ENO4: variants seen among roughly 807,000 people sequenced by gnomAD.
ENO4 encodes 2-phospho-D-glycerate hydro-lyase.
In ENO4, 53 loss-of-function variants were observed where a neutral mutation model predicts 63.2. That is an observed-to-expected ratio of 0.84 (90% CI 0.67 to 1.05). ENO4 has a LOEUF of 1.05. ENO4 is among the 50% of genes least tolerant of loss of function. The probability of loss-of-function intolerance (pLI) is 0.00; values close to 1 mark genes in which losing one functional copy is unlikely to be tolerated. For synonymous variants in ENO4, 266 were observed against 283.8 expected, an observed-to-expected ratio of 0.94 and a Z score of 0.63; for missense variants, 719 against 772.0, an observed-to-expected ratio of 0.93 and a Z score of 0.81.
downstream of ENO4, chr10:116,886,709 C>A: frequency 2.7e-6 from 3 of 1,130,596 alleles, no homozygotes; most frequent in Non-Finnish European, 3.7e-6. Flanking sequence ...GAGATGCCAG[C>A]CATTTAAAAG....
chr10:116,866,880 G>A (rs1846563483), intron 7 of ENO4, among the ~76,000 whole-genome samples: 1 of 151,694 alleles, frequency 6.6e-6, no homozygotes, highest in African/African-American at 2.4e-5. Flanking sequence ...CCTATTGATA[G>A]CCTAGTAATT....
intron 11 of ENO4, among the ~76,000 whole-genome samples, chr10:116,878,801 T>A (rs1012403101): frequency 2.7e-4 from 39 of 141,976 alleles, no homozygotes; most frequent in African/African-American, 1.0e-3. Context: ...TGGAGTGCAG[T>A]GGCGCGATCT....
chr10:116,900,445 A>C, intron 10 of ENO4: 1 of 1,200,536 alleles, frequency 8.3e-7, no homozygotes. Context: ...CAATTATTTC[A>C]TTTCCTTTCT....
chr10:116,910,088 G>A (rs1019863348), intron 10 of ENO4, among the ~76,000 whole-genome samples: 9 of 152,124 alleles, frequency 5.9e-5, no homozygotes, highest in Non-Finnish European at 1.3e-4. Context: ...GTCGAGCTAG[G>A]AGCTTTCTTT....
In ENO4 at chr10:116,911,706, C is replaced by T; in HGVS notation, c.*134C>T. 5 of 1,577,826 alleles carry T rather than the reference C, an allele frequency of 3.2e-6. No individual in the cohort carries two copies. In the South Asian group the frequency reaches 3.4e-5, roughly 11 times the overall value. On this transcript the variant is annotated 3_prime_UTR_variant, in exon 11 of 11. Coordinates refer to the ENO4 transcript ENST00000369207. The stretch of plus-strand genomic sequence containing the variant: ...TTGTAAATGGGAATAAAACACACCA[C>T]AAACAATTCACAAAAAACAGATTTT...
chr10:116,869,087 CA>C (rs1285772925), intron 8 of ENO4, among the ~76,000 whole-genome samples: 1 of 152,174 alleles, frequency 6.6e-6, no homozygotes, highest in African/African-American at 2.4e-5. Context: ...ACAAGAAGCA[CA>C]AAAAGATGGC....
chr10:116,900,026 G>A (rs1451343082), intron 10 of ENO4, among the ~76,000 whole-genome samples: 1 of 152,172 alleles, frequency 6.6e-6, no homozygotes, highest in Non-Finnish European at 1.5e-5. Context: ...GTGCCAGTCT[G>A]GGTAAATAAT....
chr10:116,849,900 C>T (rs1467260988), intron 1 of ENO4, 169 bp downstream of exon 1: 2 of 807,978 alleles, frequency 2.5e-6, no homozygotes, highest in Non-Finnish European at 4.1e-6. Context: ...GCGGGAAGGA[C>T]ACCCAGGGGT....
chr10:116,882,398 T>TTA lies in ENO4; in HGVS notation c.*729_*730insTA, dbSNP rs779908943. 1.4e-4 allele frequency: 19 copies of TTA among 137,158 alleles called. No individual in the cohort carries two copies. The highest frequency in any genetic ancestry group is 2.4e-4 in the South Asian group (1 of 4,242). 8.5% of individuals were successfully genotyped at this position (137,158 alleles called of 1,614,324 possible). A position where few individuals can be genotyped will look rare whatever the true frequency, so the allele number is the denominator to read the frequency against. ...CATTTAAAAAGCAATCCGCAAGTGA[T>TTA]AAAAAAAAAAAAAAAAAATGATGTG... On this transcript the variant is annotated 3_prime_UTR_variant, in exon 14 of 14. Coordinates refer to ENST00000341276, the MANE Select transcript of ENO4 (RefSeq NM_001242699.2).
intron 10 of ENO4, among the ~76,000 whole-genome samples, chr10:116,904,779 G>T (rs1050418045): frequency 6.6e-6 from 1 of 152,316 alleles, no homozygotes; most frequent in East Asian, 1.9e-4. Context: ...TCTGAAATGT[G>T]AGTATTGCAC....
At chr10:116,859,366 A>T (rs1292326063) in intron 4 of ENO4, among the ~76,000 whole-genome samples, 1 of 152,168 alleles carries the variant, frequency 6.6e-6, no homozygotes, top group African/African-American at 2.4e-5. Context: ...ATAAATACTT[A>T]TTATTAAATA....
At chr10:116,884,196 C>A, downstream of ENO4, 1 of 456,778 alleles carries the variant, frequency 2.2e-6, no homozygotes, top group Non-Finnish European at 4.4e-6. Flanking sequence ...TATGAACATA[C>A]CTTGCAGATA....
intron 10 of ENO4, chr10:116,901,796 C>T (rs1847748180): frequency 6.2e-7 from 1 of 1,602,468 alleles, no homozygotes; most frequent in Non-Finnish European, 8.5e-7. Context: ...GTGCATCCTT[C>T]CAATTTACGG....
At chr10:116,862,980 TC>T in intron 7 of ENO4, 128 bp downstream of exon 7, 2 of 705,146 alleles carry the variant, frequency 2.8e-6, no homozygotes, top group Non-Finnish European at 4.9e-6. Flanking sequence ...GCTTTGGGTT[TC>T]CCCCAAGAAC....
At chr10:116,887,233 G>A (rs1017636722), downstream of ENO4, among the ~76,000 whole-genome samples, 5 of 152,198 alleles carry the variant, frequency 3.3e-5, no homozygotes, top group Non-Finnish European at 5.9e-5. Flanking sequence ...TGGAATTTCA[G>A]AGGCAGTTTT....
chr10:116,851,336 G>T (rs904681423), intron 1 of ENO4, among the ~76,000 whole-genome samples: 1 of 152,182 alleles, frequency 6.6e-6, no homozygotes, highest in Non-Finnish European at 1.5e-5. Flanking sequence ...ATCCTTGGAG[G>T]CTGTATATCC....
At chr10:116,868,841 C>G in intron 8 of ENO4, 135 bp downstream of exon 8, 2 of 753,688 alleles carry the variant, frequency 2.7e-6, no homozygotes, top group Non-Finnish European at 4.6e-6. Context: ...TGATATTGCT[C>G]CAGACACCCC....
At chr10:116,903,221 T>C (rs1175336713) in intron 10 of ENO4, among the ~76,000 whole-genome samples, 1 of 152,156 alleles carries the variant, frequency 6.6e-6, no homozygotes, top group African/African-American at 2.4e-5. Flanking sequence ...TTGGACATTA[T>C]TGGATATTTT....
At chr10:116,895,703 T>C (rs1847493756) in intron 10 of ENO4, among the ~76,000 whole-genome samples, 1 of 152,214 alleles carries the variant, frequency 6.6e-6, no homozygotes, top group African/African-American at 2.4e-5. Context: ...CCTTAAGCTC[T>C]TAAGACACTA....
Sources: allele counts gnomAD v4.1 joint callset (sites outside exome capture counted in the v4.1 genomes callset), GRCh38; gene constraint gnomAD v4.1.1; transcripts MANE v1.5; gene names NCBI Gene and HGNC (gene_info 2026-07-23, HGNC 2026-07-21).